SGCZ: variants seen among roughly 807,000 people sequenced by gnomAD.
SGCZ encodes the protein zeta-sarcoglycan.
Under a neutral mutation model 41.3 loss-of-function variants are expected in SGCZ, and 40 were observed. The ratio of observed to expected loss-of-function variants is 0.97; its 90% CI spans 0.75 to 1.26. The LOEUF is 1.26. Among genes scored for constraint, SGCZ ranks in the 50% most tolerant of loss-of-function variants. SGCZ has a pLI of 0.00. For missense variants in SGCZ, 552 were observed against 369.8 expected (o/e 1.49, Z -4.04); for synonymous variants, 206 against 137.5 (o/e 1.50, Z -3.49).
At chr8:14,989,883 G>C (rs901332385) in intron 1 of SGCZ, among the ~76,000 whole-genome samples, 1 of 152,144 alleles carries the variant, frequency 6.6e-6, no homozygotes, top group Non-Finnish European at 1.5e-5. Flanking sequence ...AAGGGAGGAG[G>C]AGAATGTGTG....
chr8:15,000,888 T>G (rs1459006872), intron 1 of SGCZ, among the ~76,000 whole-genome samples: 1 of 152,218 alleles, frequency 6.6e-6, no homozygotes, highest in Non-Finnish European at 1.5e-5. Context: ...TATTAAACTT[T>G]CCACCCCTTA....
intron 1 of SGCZ, among the ~76,000 whole-genome samples, chr8:15,188,052 T>C (rs1447405551): frequency 6.6e-6 from 1 of 152,008 alleles, no homozygotes; most frequent in Non-Finnish European, 1.5e-5. Flanking sequence ...TGGACACATA[T>C]ATTAATGTAT....
intron 1 of SGCZ, among the ~76,000 whole-genome samples, chr8:14,607,499 T>C (rs1805789511): frequency 6.6e-6 from 1 of 152,208 alleles, no homozygotes; most frequent in Admixed American, 6.5e-5. Flanking sequence ...ATCATTTCCC[T>C]TCCAATATGT....
intron 1 of SGCZ, among the ~76,000 whole-genome samples, chr8:14,650,275 C>T (rs147162049): frequency 2.0e-5 from 3 of 152,194 alleles, no homozygotes; most frequent in African/African-American, 7.2e-5. Context: ...CCCCACTCTT[C>T]ATCTTTACAG....
At chr8:14,171,849 T>C (rs929702361) in intron 4 of SGCZ, among the ~76,000 whole-genome samples, 4 of 152,136 alleles carry the variant, frequency 2.6e-5, no homozygotes, top group Non-Finnish European at 4.4e-5. Context: ...GTTTCTGAAA[T>C]TCATTTAGTG....
chr8:15,046,267 G>A (rs1804298314), intron 1 of SGCZ, among the ~76,000 whole-genome samples: 1 of 152,008 alleles, frequency 6.6e-6, no homozygotes, highest in Non-Finnish European at 1.5e-5. Context: ...GTAAGTGCTA[G>A]ATAAACAAGT....
In SGCZ at chr8:14,198,204, C is replaced by T. The variant is rs972277251; in HGVS notation, c.425-33502G>A. ...CCACCTGGGACATGAATCAGTCAGC[C>T]GTTTGTCTAGCATCTCCATGCTGTC... On this transcript the variant is annotated intron_variant, in intron 4 of 7. Coordinates refer to ENST00000382080, the MANE Select transcript of SGCZ (RefSeq NM_139167.4). 3.3e-5 allele frequency among the ~76,000 whole-genome samples: 5 copies of T among 152,036 alleles called. No individual in the cohort carries two copies. In the South Asian group the frequency reaches 8.3e-4, roughly 25 times the overall value.
At chr8:15,229,121 G>A (rs1801866993) in intron 1 of SGCZ, among the ~76,000 whole-genome samples, 1 of 152,044 alleles carries the variant, frequency 6.6e-6, no homozygotes, top group African/African-American at 2.4e-5. Context: ...GAACCCAGGA[G>A]GCAGAGGTTG....
intron 1 of SGCZ, among the ~76,000 whole-genome samples, chr8:14,644,952 A>AAT (rs1807157587): frequency 6.6e-4 from 1 of 1,516 alleles, no homozygotes; most frequent in Admixed American, 0.12. Flanking sequence ...TTGCATAAAT[A>AAT]AAAAAAAAAA....
chr8:15,090,375 A>AT (rs1806113937), intron 1 of SGCZ, among the ~76,000 whole-genome samples: 1 of 152,162 alleles, frequency 6.6e-6, no homozygotes, highest in African/African-American at 2.4e-5. Context: ...ATACCTATGC[A>AT]TTTTTTCCAT....
Position 15,238,056 on chromosome 8 carries a change from G to C in SGCZ, c.-433C>G, listed in dbSNP as rs1184359239. On this transcript the variant is annotated 5_prime_UTR_variant, in exon 1 of 8. Coordinates refer to ENST00000382080, the MANE Select transcript of SGCZ (RefSeq NM_139167.4). ...TTCAAGCAAATGTGTTCAAACTGAA[G>C]AGAAGAGTGTATGATAAAAGGCTTC... 1 of 162,170 alleles carries C rather than the reference G, an allele frequency of 6.2e-6. No individual in the cohort carries two copies. Among genetic ancestry groups the C allele is most frequent in the Non-Finnish European group, 1.4e-5 (1 of 73,800 alleles). 10.0% of individuals were successfully genotyped at this position (162,170 alleles called of 1,614,324 possible). A position where few individuals can be genotyped will look rare whatever the true frequency, so the allele number is the denominator to read the frequency against.
chr8:14,522,829 G>C (rs949022019), intron 2 of SGCZ, among the ~76,000 whole-genome samples: 1 of 151,224 alleles, frequency 6.6e-6, no homozygotes, highest in East Asian at 1.9e-4. Context: ...ATTCATATGG[G>C]ATCTTTTTTC....
At chr8:14,897,703 T>A (rs1375965321) in intron 1 of SGCZ, among the ~76,000 whole-genome samples, 1 of 152,196 alleles carries the variant, frequency 6.6e-6, no homozygotes, top group Non-Finnish European at 1.5e-5. Flanking sequence ...ACTCTTTACG[T>A]TCTTGCAACT....
At chr8:14,174,856 A>G (rs1804495270) in intron 4 of SGCZ, among the ~76,000 whole-genome samples, 1 of 152,114 alleles carries the variant, frequency 6.6e-6, no homozygotes, top group Non-Finnish European at 1.5e-5. Flanking sequence ...AAAGGCTCTG[A>G]GAAAAGGATT....
intron 4 of SGCZ, among the ~76,000 whole-genome samples, chr8:14,190,997 C>T (rs1408977770): frequency 6.6e-6 from 1 of 152,176 alleles, no homozygotes; most frequent in African/African-American, 2.4e-5. Context: ...GTCACATCCT[C>T]GTCAACACCT....
intron 2 of SGCZ, among the ~76,000 whole-genome samples, chr8:14,479,731 CTTTTTTTTTTTTTTTTTT>C (rs529812029): frequency 7.6e-5 from 4 of 52,976 alleles, no homozygotes; most frequent in African/African-American, 2.0e-4. Flanking sequence ...AATTCTACTT[CTTTTTTTTTTTTTTTTTT>C]TTTTTTTTTT....
rs564303424 is a variant in SGCZ, at chr8:14,726,131, C to T, written c.40-171205G>A. On this transcript the variant is annotated intron_variant, in intron 1 of 7. Transcript: ENST00000382080. Reference sequence around the variant, plus strand: ...AAATTTAGCCAGGCGTGGTGGCACGCACCTGTAGTCCCAGCTACTCGGGAG... The same window carrying T: ...AAATTTAGCCAGGCGTGGTGGCACGTACCTGTAGTCCCAGCTACTCGGGAG... Among the ~76,000 whole-genome samples, 15 of 151,128 alleles carry T rather than the reference C, an allele frequency of 9.9e-5. No homozygotes were observed. In the East Asian group the frequency reaches 1.2e-3, roughly 12 times the overall value.
chr8:14,141,210 A>C (rs886100177), intron 5 of SGCZ, among the ~76,000 whole-genome samples: 2 of 152,230 alleles, frequency 1.3e-5, no homozygotes, highest in African/African-American at 4.8e-5. Flanking sequence ...ACCTAAAACC[A>C]TAAAAACCCT....
chr8:14,210,715 C>T lies in SGCZ; in HGVS notation c.424+26877G>A, dbSNP rs919715669. On this transcript the variant is annotated intron_variant, in intron 4 of 7. Coordinates refer to ENST00000382080, the MANE Select transcript of SGCZ (RefSeq NM_139167.4). Reference sequence around the variant, plus strand: ...ATCCTGACCTCAGGTGATCCGCTTGCCTCGGCCTCCCAAAGTGCTAGGATT... The same window carrying T: ...ATCCTGACCTCAGGTGATCCGCTTGTCTCGGCCTCCCAAAGTGCTAGGATT... Among the ~76,000 whole-genome samples, 24 of 152,070 alleles carry T rather than the reference C, an allele frequency of 1.6e-4. 1 individual carries two copies. The highest frequency in any genetic ancestry group is 3.9e-4 in the Admixed American group (6 of 15,268).
Sources: gnomAD v4.1 joint callset for allele counts (sites outside exome capture counted in the v4.1 genomes callset) on GRCh38, gnomAD v4.1.1 for gene constraint, MANE v1.5 for transcripts, NCBI Gene and HGNC (gene_info 2026-07-23, HGNC 2026-07-21) for gene names.